Variants in PCDHGA11 observed in about 807,000 individuals in gnomAD.
PCDHGA11 encodes protocadherin gamma subfamily A, 11, also known as protocadherin gamma-A11.
Under a neutral mutation model 60.4 loss-of-function variants are expected in PCDHGA11, and 39 were observed. The observed-to-expected ratio is 0.65, with a 90% CI of 0.50 to 0.84. The LOEUF is 0.84. Ranked by LOEUF, PCDHGA11 falls within the 40% of genes least tolerant of loss-of-function variation. The pLI is 0.00. For synonymous variants in PCDHGA11, 533 were observed against 510.3 expected (o/e 1.04, Z -0.60); for missense variants, 1,165 against 1,197.7 (o/e 0.97, Z 0.40).
intron 1 of PCDHGA11, among the ~76,000 whole-genome samples, chr5:141,433,553 T>C (rs530467777): frequency 1.3e-5 from 2 of 151,614 alleles, no homozygotes; most frequent in African/African-American, 4.8e-5. Flanking sequence ...TATTCTTTTC[T>C]GGCTGGGCGC....
chr5:141,445,272 T>C (rs1057201147), intron 1 of PCDHGA11, among the ~76,000 whole-genome samples: 1 of 152,236 alleles, frequency 6.6e-6, no homozygotes, highest in Non-Finnish European at 1.5e-5. Flanking sequence ...TCGAAACCAC[T>C]CTGCATAAGT....
At position 141,491,289 on chromosome 5, in the gene PCDHGA11, C is replaced by T. The variant is rs2099710219; in HGVS notation, c.2434-3518C>T. ...CCAAATCCAGTGACTTCCTCATACA[C>T]CCTCCTGAGCGTTCAGACCTTACCC... On this transcript the variant is annotated intron_variant, in intron 1 of 3. Transcript: ENST00000398587. The surrounding 1 kb of genome is among the most constrained non-coding windows in gnomAD (Gnocchi z 6.9). 2 of 1,614,112 alleles carry T rather than the reference C, an allele frequency of 1.2e-6. No homozygotes were observed. The highest frequency in any genetic ancestry group is 1.7e-6 in the Non-Finnish European group (2 of 1,179,942).
At chr5:141,507,171 C>T (rs183042063) in intron 3 of PCDHGA11, 3 of 152,462 alleles carry the variant, frequency 2.0e-5, no homozygotes, top group South Asian at 2.1e-4. Context: ...AGGCTGTCCT[C>T]TTCCTCGAGC....
intron 1 of PCDHGA11, among the ~76,000 whole-genome samples, chr5:141,480,408 C>A (rs371569489): frequency 7.2e-6 from 1 of 138,932 alleles, no homozygotes; most frequent in African/African-American, 2.9e-5. Flanking sequence ...GAGTGAGACC[C>A]TGTCTCAAAA....
intron 1 of PCDHGA11, among the ~76,000 whole-genome samples, chr5:141,468,979 C>T (rs1394344696): frequency 6.7e-6 from 1 of 149,482 alleles, no homozygotes; most frequent in African/African-American, 2.5e-5. Flanking sequence ...CTTTTGACTT[C>T]CAAAATTATT....
rs568123995 is a variant in PCDHGA11 at position 141,511,539 on chromosome 5, C to G, written c.*366C>G. The G allele has an allele frequency of 3.0e-5, 10 of 328,342 alleles. No individual in the cohort carries two copies. The highest frequency in any genetic ancestry group is 2.1e-4 in the African/African-American group (10 of 47,452). The allele number at this position is 328,342 out of a possible 1,614,324, so 20.3% of individuals were successfully genotyped here. ...CATCCCATGCCTCCCTCCTCCCCAC[C>G]CCACTCCAACAGTTCCTCTTTCCCG... On this transcript the variant is annotated 3_prime_UTR_variant, in exon 4 of 4. Transcript: ENST00000398587.
rs143362044 is a variant in PCDHGA11, at chr5:141,511,092, C to T, written c.2727C>T (p.Asn909=). The T allele has an allele frequency of 4.5e-5, 73 of 1,614,088 alleles. No homozygotes were observed. Among genetic ancestry groups the T allele is most frequent in the Admixed American group, 1.5e-4 (9 of 60,012 alleles). ...YIPGSNATLT[N]AAGKRDGKAP... is the part of the protein sequence containing the mutation. ...CAGGCAGCAATGCCACACTGACCAA[C>T]GCAGCTGGCAAGCGGGATGGCAAGG... The change falls in exon 4 of 4, where the codon AAC becomes AAT. Residue 909 remains asparagine, a synonymous_variant. Coordinates refer to ENST00000398587, the MANE Select transcript of PCDHGA11 (RefSeq NM_018914.3).
In PCDHGA11 at chr5:141,511,999, C is replaced by G. The variant is rs1049440139; in HGVS notation, c.*826C>G. ...GTGGATGGTGGGGGCATGGACAAAG[C>G]TTGACACATCAAGTTATCAAGGCCT... is the stretch of plus-strand genomic sequence containing the variant. On this transcript the variant is annotated 3_prime_UTR_variant, in exon 4 of 4. Coordinates refer to ENST00000398587, the MANE Select transcript of PCDHGA11 (RefSeq NM_018914.3). 6.5e-6 allele frequency: 1 copy of G among 153,016 alleles called. No individual in the cohort carries two copies. Among genetic ancestry groups the G allele is most frequent in the Non-Finnish European group, 1.5e-5 (1 of 68,392 alleles). The allele number at this position is 153,016 out of a possible 1,614,324, so 9.5% of individuals were successfully genotyped here. A position where few individuals can be genotyped will look rare whatever the true frequency, so the allele number is the denominator to read the frequency against.
At position 141,477,795 on chromosome 5, in the gene PCDHGA11, G is replaced by T. The variant is rs778851755; in HGVS notation, c.2434-17012G>T. The T allele has an allele frequency of 1.2e-5, 19 of 1,613,946 alleles. 1 individual carries two copies. In the South Asian group the frequency reaches 1.6e-4, roughly 14 times the overall value. On this transcript the variant is annotated intron_variant, in intron 1 of 3. Transcript: ENST00000398587. The surrounding 1 kb of genome is among the most constrained non-coding windows in gnomAD (Gnocchi z 4.9). ...AGCGTGAACATATTTGTCACTGATC[G>T]CAATGACAATGCCCCCCAGGTCCTA...
At position 141,510,984 on chromosome 5, in the gene PCDHGA11, C is replaced by A. The variant is rs375865663; in HGVS notation, c.2619C>A (p.Ala873=). 6.2e-7 allele frequency: 1 copy of A among 1,614,162 alleles called. No individual in the cohort carries two copies. The highest frequency in any genetic ancestry group is 8.5e-7 in the Non-Finnish European group (1 of 1,180,012). The part of the protein sequence containing the change: ...ADGSSTLGGG[A]GTMGLSARYG... The stretch of plus-strand genomic sequence containing the variant: ...GGAGCTCCACCCTGGGAGGGGGTGC[C>A]GGCACCATGGGATTGAGCGCCCGCT... Residue 873 remains alanine, a synonymous_variant, in exon 4 of 4, where the codon GCC becomes GCA. Coordinates refer to ENST00000398587, the MANE Select transcript of PCDHGA11 (RefSeq NM_018914.3).
chr5:141,429,204 A>ACACACACG, intron 1 of PCDHGA11: 1 of 150,162 alleles, frequency 6.7e-6, no homozygotes, highest in Non-Finnish European at 1.5e-5. Context: ...ACACACACAC[A>ACACACACG]CGTGTGAAAA....
Position 141,422,940 on chromosome 5 carries a change from C to G in PCDHGA11, c.1713C>G (p.Asp571Glu). The G allele has an allele frequency of 1.9e-6, 3 of 1,614,242 alleles. No individual in the cohort carries two copies. Among genetic ancestry groups the G allele is most frequent in the Non-Finnish European group, 1.7e-6 (2 of 1,180,046 alleles). The change falls in exon 1 of 4, where the codon GAC becomes GAG. Residue 571 changes from aspartate (D) to glutamate (E), a missense_variant. Coordinates refer to ENST00000398587, the MANE Select transcript of PCDHGA11 (RefSeq NM_018914.3). The part of the protein sequence containing the change: ...PEILYPALPT[D>E]GSTGVELAPR... The stretch of plus-strand genomic sequence containing the variant: ...TCCTGTACCCTGCCCTCCCCACAGA[C>G]GGCTCCACTGGCGTGGAGCTGGCGC...
chr5:141,491,908 G>A lies in PCDHGA11; in HGVS notation c.2434-2899G>A. ...GGGGCTCCGAGCACCGGGGGTGGTG[G>A]CGACTGTGGGCGAGGGGAGGTGGGA... On this transcript the variant is annotated intron_variant, in intron 1 of 3. Transcript: ENST00000398587. The surrounding 1 kb of genome is among the most constrained non-coding windows in gnomAD (Gnocchi z 6.9). The A allele has an allele frequency of 7.1e-7, 1 of 1,408,288 alleles. No individual in the cohort carries two copies. Among genetic ancestry groups the A allele is most frequent in the East Asian group, 2.5e-5 (1 of 39,276 alleles). The allele number at this position is 1,408,288 out of a possible 1,614,324, so 87.2% of individuals were successfully genotyped here. A position where few individuals can be genotyped will look rare whatever the true frequency, so the allele number is the denominator to read the frequency against.
chr5:141,463,615 A>G (rs1336539466), intron 1 of PCDHGA11, among the ~76,000 whole-genome samples: 1 of 151,408 alleles, frequency 6.6e-6, no homozygotes, highest in Admixed American at 6.6e-5. Context: ...TGCCCGGCTA[A>G]TTTTTTGTAT....
intron 1 of PCDHGA11, chr5:141,478,782 T>C: frequency 6.7e-7 from 1 of 1,485,212 alleles, no homozygotes. Context: ...GTGGACCTAA[T>C]TCACATCCTC....
Position 141,477,749 on chromosome 5 carries a change from C to T in PCDHGA11, c.2434-17058C>T. The stretch of plus-strand genomic sequence containing the variant: ...AGCTCATATCAGCGATGGGGGCACC[C>T]CGGTCCTAGCCACCAACATCAGCGT... On this transcript the variant is annotated intron_variant, in intron 1 of 3. Transcript: ENST00000398587. The surrounding 1 kb of genome is among the most constrained non-coding windows in gnomAD (Gnocchi z 4.9). 1 of 1,613,904 alleles carries T rather than the reference C, an allele frequency of 6.2e-7. No homozygotes were observed. Among genetic ancestry groups the T allele is most frequent in the Non-Finnish European group, 8.5e-7 (1 of 1,180,030 alleles).
chr5:141,494,855 G>C lies in PCDHGA11; in HGVS notation c.2482G>C (p.Gly828Arg), dbSNP rs200418116. The C allele has an allele frequency of 6.2e-7, 1 of 1,614,092 alleles. No homozygotes were observed. Among genetic ancestry groups the C allele is most frequent in the South Asian group, 1.1e-5 (1 of 91,072 alleles). ...DWRFSQAQRP[G>R]TSGSQNGDDT... is the part of the protein sequence containing the mutation. ...GCGTTTCTCTCAGGCCCAGAGACCC[G>C]GCACCAGCGGGTAGGTGACTGATTC... The change falls in exon 2 of 4, where the codon GGC (glycine) becomes CGC (arginine). Residue 828 changes from glycine (G) to arginine (R), a missense_variant. Transcript: ENST00000398587.
rs1257933448 is a variant in PCDHGA11, at chr5:141,490,285, G to C, written c.2434-4522G>C. 3 of 1,614,106 alleles carry C rather than the reference G, an allele frequency of 1.9e-6. No homozygotes were observed. In the African/African-American group the frequency reaches 4.0e-5, roughly 22 times the overall value. On this transcript the variant is annotated intron_variant, in intron 1 of 3. Coordinates refer to ENST00000398587, the MANE Select transcript of PCDHGA11 (RefSeq NM_018914.3). This position sits in a 1 kb window ranked among gnomAD's most constrained non-coding sequence, Gnocchi z 5.4. ...GGGGGATGTCAATGACAATGCCCCAGAGGTGCTATTGGCCTCTTTGGCCAA... is the reference window on the plus strand; with the variant it reads ...GGGGGATGTCAATGACAATGCCCCACAGGTGCTATTGGCCTCTTTGGCCAA...
At position 141,477,579 on chromosome 5, in the gene PCDHGA11, A is replaced by G. The variant is rs774773400; in HGVS notation, c.2434-17228A>G. The stretch of plus-strand genomic sequence containing the variant: ...AGTGTCTGGGACCCCGACGCCCCGC[A>G]GAATGCTCGGCTTTCTTTCTTTCTC... On this transcript the variant is annotated intron_variant, in intron 1 of 3. Coordinates refer to ENST00000398587, the MANE Select transcript of PCDHGA11 (RefSeq NM_018914.3). The surrounding 1 kb of genome is among the most constrained non-coding windows in gnomAD (Gnocchi z 4.9). The G allele has an allele frequency of 1.7e-5, 27 of 1,614,036 alleles. No individual in the cohort carries two copies. The highest frequency in any genetic ancestry group is 2.0e-5 in the Non-Finnish European group (24 of 1,180,036).
Sources: allele counts gnomAD v4.1 joint callset (sites outside exome capture counted in the v4.1 genomes callset), GRCh38; gene constraint gnomAD v4.1.1; non-coding constraint Gnocchi (gnomAD v3.1); transcripts MANE v1.5; gene names NCBI Gene and HGNC (gene_info 2026-07-23, HGNC 2026-07-21).